Variants in CD44 observed in about 807,000 individuals in gnomAD.
CD44 encodes the protein CD44 antigen.
A neutral mutation model predicts 88.8 loss-of-function variants in CD44; 49 were observed. The observed-to-expected ratio is 0.55, with a 90% CI of 0.44 to 0.70. CD44 has a LOEUF of 0.70. CD44 is among the 30% of genes least tolerant of loss of function. The pLI is 0.00. For missense variants in CD44, 883 were observed against 913.8 expected, an observed-to-expected ratio of 0.97 and a Z score of 0.43; for synonymous variants, 325 against 312.3, an observed-to-expected ratio of 1.04 and a Z score of -0.43.
At chr11:35,177,706 TTA>T (rs1311766981) in intron 2 of CD44, among the ~76,000 whole-genome samples, 1 of 152,216 alleles carries the variant, frequency 6.6e-6, no homozygotes, top group East Asian at 1.9e-4. Context: ...TGCACCCACA[TTA>T]TGAGTGATGG....
At chr11:35,205,382 A>G (rs1266931679) in intron 10 of CD44, among the ~76,000 whole-genome samples, 3 of 152,018 alleles carry the variant, frequency 2.0e-5, no homozygotes, top group Non-Finnish European at 2.9e-5. Context: ...TATTTGCAAC[A>G]TAGAAGATAA....
intron 1 of CD44, among the ~76,000 whole-genome samples, chr11:35,151,478 C>A (rs547790763): frequency 3.9e-5 from 6 of 152,298 alleles, no homozygotes; most frequent in African/African-American, 1.2e-4. Context: ...CAAACAAGAC[C>A]TACTGTGGCA....
chr11:35,205,853 A>T (rs1345513357), intron 10 of CD44: 9 of 1,097,674 alleles, frequency 8.2e-6, no homozygotes, highest in Non-Finnish European at 1.0e-5. Context: ...TCGGTAACTC[A>T]TCCTTTCTGC....
intron 1 of CD44, among the ~76,000 whole-genome samples, chr11:35,141,818 T>G (rs969331029): frequency 3.9e-5 from 6 of 152,144 alleles, no homozygotes; most frequent in African/African-American, 1.4e-4. Flanking sequence ...AAAGGAGACA[T>G]GACTTTGTCA....
At chr11:35,186,423 A>C (rs1945682997) in intron 3 of CD44, among the ~76,000 whole-genome samples, 1 of 152,148 alleles carries the variant, frequency 6.6e-6, no homozygotes. Context: ...TTCATACTTT[A>C]CTTTTAAATT....
chr11:35,152,942 G>A (rs946113256), intron 1 of CD44, among the ~76,000 whole-genome samples: 1 of 152,172 alleles, frequency 6.6e-6, no homozygotes, highest in Non-Finnish European at 1.5e-5. Flanking sequence ...AAACTGAGCT[G>A]GGCCCATGCA....
chr11:35,221,596 TG>T, intron 16 of CD44, 57 bp from the exon 17 acceptor site: 1 of 1,457,608 alleles, frequency 6.9e-7, no homozygotes, highest in African/African-American at 1.4e-5. Context: ...AGTGCATTTT[TG>T]TTTTTACAAA....
At chr11:35,186,933 C>T (rs777131826) in intron 4 of CD44, 33 bp downstream of exon 4, 4 of 1,377,294 alleles carry the variant, frequency 2.9e-6, no homozygotes, top group South Asian at 2.3e-5. Flanking sequence ...ATTAAATTTT[C>T]CTATTTTGGG....
chr11:35,139,973 A>C (rs933988269), intron 1 of CD44, among the ~76,000 whole-genome samples: 1 of 152,242 alleles, frequency 6.6e-6, no homozygotes, highest in Non-Finnish European at 1.5e-5. Context: ...AGCTTGAACC[A>C]GCTCTGCGGT....
rs1222764600 is a variant in CD44, at chr11:35,189,941, C to T, written c.543C>T (p.Gly181=). The T allele has an allele frequency of 1.2e-6, 2 of 1,614,000 alleles. No individual in the cohort carries two copies. Among genetic ancestry groups the T allele is most frequent in the Admixed American group, 1.7e-5 (1 of 59,996 alleles). The part of the protein sequence containing the change: ...SNPTDDDVSS[G]SSSERSSTSG... ...CTACTGATGATGACGTGAGCAGCGG[C>T]TCCTCCAGTGAAAGGAGCAGCACTT... Residue 181 remains glycine, a synonymous_variant, in exon 5 of 18, where the codon GGC becomes GGT. Transcript: ENST00000428726.
chr11:35,155,151 A>G (rs1433127430), intron 1 of CD44, among the ~76,000 whole-genome samples: 2 of 152,202 alleles, frequency 1.3e-5, no homozygotes, highest in Non-Finnish European at 2.9e-5. Flanking sequence ...ATGGGGTCAC[A>G]TGCCCACACC....
intron 14 of CD44, 122 bp from the exon 15 acceptor site, chr11:35,214,730 T>C: frequency 2.1e-6 from 1 of 466,452 alleles, no homozygotes. Context: ...CCATCATTTT[T>C]TGGAATACCT....
At chr11:35,145,531 T>C (rs1858959110) in intron 1 of CD44, among the ~76,000 whole-genome samples, 2 of 151,994 alleles carry the variant, frequency 1.3e-5, no homozygotes, top group Non-Finnish European at 2.9e-5. Flanking sequence ...GCTGGGGACA[T>C]CTGGCTAAAG....
chr11:35,161,884 C>A (rs1186938716), intron 1 of CD44, among the ~76,000 whole-genome samples: 1 of 152,068 alleles, frequency 6.6e-6, no homozygotes, highest in Non-Finnish European at 1.5e-5. Context: ...CTACAAAAAG[C>A]CCCATAAATA....
chr11:35,195,332 TCTTTA>T (rs1236685815), intron 5 of CD44, among the ~76,000 whole-genome samples: 5 of 152,192 alleles, frequency 3.3e-5, no homozygotes, highest in African/African-American at 9.7e-5. Flanking sequence ...TAAATTATAT[TCTTTA>T]CTTCTATAAA....
intron 9 of CD44, among the ~76,000 whole-genome samples, chr11:35,202,514 T>A (rs1360913653): frequency 1.3e-5 from 2 of 152,200 alleles, no homozygotes; most frequent in Admixed American, 1.3e-4. Flanking sequence ...ATGTCTATCT[T>A]ATTTGGAATA....
chr11:35,148,460 G>T (rs1859652163), intron 1 of CD44, among the ~76,000 whole-genome samples: 1 of 152,190 alleles, frequency 6.6e-6, no homozygotes, highest in African/African-American at 2.4e-5. Context: ...TTTTGCAGTG[G>T]ATCCTCTGCA....
chr11:35,147,806 G>C (rs1859470322), intron 1 of CD44, among the ~76,000 whole-genome samples: 2 of 151,926 alleles, frequency 1.3e-5, no homozygotes, highest in South Asian at 4.2e-4. Flanking sequence ...GCCAGGGAGA[G>C]GGCTGGGAAA....
intron 3 of CD44, among the ~76,000 whole-genome samples, chr11:35,182,400 G>A (rs893971753): frequency 2.0e-5 from 3 of 152,002 alleles, no homozygotes; most frequent in Admixed American, 1.3e-4. Context: ...AAATTTACAG[G>A]TCACTGAATC....
Sources: gnomAD v4.1 joint callset for allele counts (sites outside exome capture counted in the v4.1 genomes callset) on GRCh38, gnomAD v4.1.1 for gene constraint, MANE v1.5 for transcripts, NCBI Gene and HGNC (gene_info 2026-07-23, HGNC 2026-07-21) for gene names.